GNG7: variants seen among roughly 807,000 people sequenced by gnomAD.
GNG7 encodes the protein guanine nucleotide-binding protein G(I)/G(S)/G(O) subunit gamma-7.
In GNG7, 1 loss-of-function variant was observed where a neutral mutation model predicts 4.0. The observed-to-expected ratio is 0.25, with a 90% confidence interval of 0.09 to 1.18. The LOEUF (loss-of-function observed/expected upper bound fraction) is 1.18, where lower values mean the gene tolerates loss of function less well. Ranked by LOEUF, GNG7 falls within the 50% of genes most tolerant of loss-of-function variation. The pLI is 0.50. For synonymous variants in GNG7, 34 were observed against 36.9 expected, an observed-to-expected ratio of 0.92 and a Z score of 0.29; for missense variants, 86 against 91.9, an observed-to-expected ratio of 0.94 and a Z score of 0.26.
intron 2 of GNG7, among the ~76,000 whole-genome samples, chr19:2,595,796 A>C (rs1981001368): frequency 6.6e-6 from 1 of 152,062 alleles, no homozygotes; most frequent in South Asian, 2.1e-4. Flanking sequence ...CCGCCAATGT[A>C]CAATGCACTC....
intron 1 of GNG7, among the ~76,000 whole-genome samples, chr19:2,687,041 C>A (rs1430580942): frequency 6.7e-6 from 1 of 150,136 alleles, no homozygotes; most frequent in Non-Finnish European, 1.5e-5. Flanking sequence ...CGTGAGCCAC[C>A]GCGCCTGGCC....
chr19:2,516,023 T>G (rs1434173785), intron 4 of GNG7, among the ~76,000 whole-genome samples: 1 of 151,708 alleles, frequency 6.6e-6, no homozygotes. Flanking sequence ...GAGACCAGCC[T>G]AGGCAACACA....
chr19:2,513,462 G>C lies in GNG7; in HGVS notation c.*1560C>G, dbSNP rs543691244. 1.7e-5 allele frequency: 16 copies of C among 961,226 alleles called. No homozygotes were observed. Among genetic ancestry groups the C allele is most frequent in the Admixed American group, 6.2e-5 (1 of 16,260 alleles). The allele number at this position is 961,226 out of a possible 1,614,324, so 59.5% of individuals were successfully genotyped here. The stretch of plus-strand genomic sequence containing the variant: ...CCGGCAGGCCCTGGAAGATGTGGCT[G>C]CACCTGCTCCCGTCCGTGCCGCAGA... On this transcript the variant is annotated 3_prime_UTR_variant, in exon 5 of 5. Transcript: ENST00000382159.
intron 2 of GNG7, among the ~76,000 whole-genome samples, chr19:2,594,106 C>T (rs1438241661): frequency 1.3e-5 from 2 of 152,110 alleles, no homozygotes; most frequent in Non-Finnish European, 2.9e-5. Context: ...CACAGTGGCT[C>T]ACGCCTGTAA....
chr19:2,553,459 T>A (rs1313622602), intron 3 of GNG7, among the ~76,000 whole-genome samples: 4 of 147,692 alleles, frequency 2.7e-5, no homozygotes, highest in African/African-American at 9.9e-5. Context: ...ATGCAATATA[T>A]TATGTTATAT....
At chr19:2,538,460 C>CAAAAA (rs397859757) in intron 3 of GNG7, 58 of 179,816 alleles carry the variant, frequency 3.2e-4, no homozygotes, top group East Asian at 1.4e-3. Context: ...CCCGTCTCTG[C>CAAAAA]AAAAAAAAAA....
intron 1 of GNG7, among the ~76,000 whole-genome samples, chr19:2,684,135 ATT>A (rs547594113): frequency 0.22 from 27,852 of 124,878 alleles, 3,225 homozygotes; most frequent in East Asian, 0.57. Context: ...CAGCCTGGCC[ATT>A]TTTTTTTTTT....
At chr19:2,576,239 C>T (rs1438877850) in intron 2 of GNG7, among the ~76,000 whole-genome samples, 3 of 152,248 alleles carry the variant, frequency 2.0e-5, no homozygotes, top group Non-Finnish European at 2.9e-5. Flanking sequence ...CCTCGGATGA[C>T]GTGCAGGCGT....
At chr19:2,600,332 C>G (rs1183710893) in intron 2 of GNG7, among the ~76,000 whole-genome samples, 1 of 151,572 alleles carries the variant, frequency 6.6e-6, no homozygotes, top group East Asian at 1.9e-4. Flanking sequence ...TCATGTCTGG[C>G]TTAATAGAAG....
intron 2 of GNG7, among the ~76,000 whole-genome samples, chr19:2,555,646 C>G (rs2144763265): frequency 6.6e-6 from 1 of 152,232 alleles, no homozygotes; most frequent in South Asian, 2.1e-4. Context: ...AAACTGGGGA[C>G]AAACCAATTA....
chr19:2,687,415 G>A (rs1444116283), intron 1 of GNG7, among the ~76,000 whole-genome samples: 2 of 151,906 alleles, frequency 1.3e-5, no homozygotes, highest in South Asian at 2.1e-4. Context: ...TCAGGAGTTC[G>A]AGACCAGCCT....
At chr19:2,581,294 A>G (rs1293163239) in intron 2 of GNG7, among the ~76,000 whole-genome samples, 1 of 26,592 alleles carries the variant, frequency 3.8e-5, no homozygotes, top group African/African-American at 1.5e-4. Context: ...TGACAGACTG[A>G]TGGGGGGGGC....
intron 3 of GNG7, among the ~76,000 whole-genome samples, chr19:2,537,674 G>A (rs1027985291): frequency 6.6e-6 from 1 of 151,656 alleles, no homozygotes; most frequent in African/African-American, 2.4e-5. Flanking sequence ...GCCCTGGAGT[G>A]GGGGTTGTGG....
intron 2 of GNG7, among the ~76,000 whole-genome samples, chr19:2,644,380 T>TATATAA (rs1982608471): frequency 8.1e-6 from 1 of 123,536 alleles, no homozygotes; most frequent in Non-Finnish European, 1.6e-5. Flanking sequence ...TATATATATA[T>TATATAA]AATGCTCTAT....
At chr19:2,702,425 C>A (rs1375511200) in intron 1 of GNG7, among the ~76,000 whole-genome samples, 2 of 147,730 alleles carry the variant, frequency 1.4e-5, no homozygotes. Context: ...AATCCCCAAC[C>A]CCAGCCCCTC....
intron 3 of GNG7, among the ~76,000 whole-genome samples, chr19:2,554,930 T>C (rs552680477): frequency 6.6e-6 from 1 of 152,296 alleles, no homozygotes; most frequent in African/African-American, 2.4e-5. Flanking sequence ...TCATCTCCAC[T>C]GCAGACAGTT....
rs146700261 is a variant in GNG7 at position 2,643,599 on chromosome 19, C to T, written c.-78+2625G>A. 808 of 445,002 alleles carry T rather than the reference C, an allele frequency of 1.8e-3. 7 individuals carry two copies. Among genetic ancestry groups the T allele is most frequent in the African/African-American group, 0.015 (721 of 48,910 alleles). The allele number at this position is 445,002 out of a possible 1,614,324, so 27.6% of individuals were successfully genotyped here. ...CTCTGCACACCTTCCGGCCCGGCTCCGTCGGCACCGGAAATGCAAAGTCCG... is the reference window on the plus strand; with the variant it reads ...CTCTGCACACCTTCCGGCCCGGCTCTGTCGGCACCGGAAATGCAAAGTCCG... On this transcript the variant is annotated intron_variant, in intron 2 of 4. Coordinates refer to ENST00000382159, the MANE Select transcript of GNG7 (RefSeq NM_052847.3).
intron 3 of GNG7, among the ~76,000 whole-genome samples, chr19:2,525,681 G>A (rs976475972): frequency 1.3e-5 from 2 of 152,128 alleles, no homozygotes; most frequent in African/African-American, 2.4e-5. Flanking sequence ...GGGAGCAGCC[G>A]CCCTCTAACC....
chr19:2,638,272 G>C (rs1301113660), intron 2 of GNG7, among the ~76,000 whole-genome samples: 5 of 150,692 alleles, frequency 3.3e-5, no homozygotes, highest in Admixed American at 2.0e-4. Context: ...CCGAGGCAGA[G>C]AATTACTTGA....
Sources: allele counts gnomAD v4.1 joint callset (sites outside exome capture counted in the v4.1 genomes callset), GRCh38; gene constraint gnomAD v4.1.1; transcripts MANE v1.5; gene names NCBI Gene and HGNC (gene_info 2026-07-23, HGNC 2026-07-21).